Variants in GSG1L observed in about 807,000 individuals in gnomAD.
GSG1L encodes the protein germ cell-specific gene 1-like protein.
A neutral mutation model predicts 42.1 loss-of-function variants in GSG1L; 24 were observed. The ratio of observed to expected loss-of-function variants is 0.57; its 90% CI spans 0.41 to 0.80. The LOEUF (loss-of-function observed/expected upper bound fraction) is 0.80, where lower values mean the gene tolerates loss of function less well. Among genes scored for constraint, GSG1L ranks in the 30% least tolerant of loss-of-function variants. The pLI is 0.00. For synonymous variants in GSG1L, 215 were observed against 203.5 expected, an observed-to-expected ratio of 1.06 and a Z score of -0.48; for missense variants, 445 against 472.2, an observed-to-expected ratio of 0.94 and a Z score of 0.53.
chr16:27,987,825 T>C (rs1215051181), intron 1 of GSG1L, among the ~76,000 whole-genome samples: 3 of 151,804 alleles, frequency 2.0e-5, no homozygotes, highest in African/African-American at 7.3e-5. Flanking sequence ...CGCATGCCTG[T>C]AGTCCCAGCT....
intron 2 of GSG1L, among the ~76,000 whole-genome samples, chr16:27,925,173 A>T (rs189920452): frequency 6.6e-6 from 1 of 152,344 alleles, no homozygotes; most frequent in African/African-American, 2.4e-5. Flanking sequence ...TTTCTCTTAC[A>T]TCCAACTTGG....
chr16:27,795,202 T>C (rs1016449309), intron 6 of GSG1L, among the ~76,000 whole-genome samples: 1 of 151,218 alleles, frequency 6.6e-6, no homozygotes. Context: ...TTTAAACAAA[T>C]GAAGAAACCA....
intron 1 of GSG1L, among the ~76,000 whole-genome samples, chr16:27,989,001 C>T (rs2085423013): frequency 7.1e-6 from 1 of 141,214 alleles, no homozygotes; most frequent in African/African-American, 2.7e-5. Context: ...TGCAGTGAGC[C>T]GAGATTGTGC....
At chr16:28,007,988 T>C (rs2085665397) in intron 1 of GSG1L, among the ~76,000 whole-genome samples, 1 of 152,186 alleles carries the variant, frequency 6.6e-6, no homozygotes, top group Non-Finnish European at 1.5e-5. Flanking sequence ...CTATAGAAAC[T>C]GCACGCATTT....
intron 2 of GSG1L, among the ~76,000 whole-genome samples, chr16:27,946,299 C>T (rs142789336): frequency 0.02 from 3,114 of 152,126 alleles, 115 homozygotes; most frequent in African/African-American, 0.071. Context: ...AATCCCAGCA[C>T]TTTGGGAGGC....
intron 1 of GSG1L, among the ~76,000 whole-genome samples, chr16:27,990,572 G>T (rs1283307020): frequency 6.6e-6 from 1 of 152,178 alleles, no homozygotes; most frequent in Non-Finnish European, 1.5e-5. Context: ...TCCCTTGCAA[G>T]ATTCCTGACC....
In GSG1L at chr16:28,000,646, C is replaced by T. The variant is rs1240836619; in HGVS notation, c.350-37443G>A. Reference sequence around the variant, plus strand: ...AGCACCAGATGAAGCTTGAACAAAACCAATACCTCTTGCCGGACAAGCAGC... The same window carrying T: ...AGCACCAGATGAAGCTTGAACAAAATCAATACCTCTTGCCGGACAAGCAGC... On this transcript the variant is annotated intron_variant, in intron 1 of 6. Transcript: ENST00000447459. Among the ~76,000 whole-genome samples the T allele has an allele frequency of 1.3e-4, 20 of 152,080 alleles. 1 individual carries two copies. Among genetic ancestry groups the T allele is most frequent in the Admixed American group, 1.3e-3 (20 of 15,268 alleles).
chr16:27,838,534 G>C (rs1307038004), intron 4 of GSG1L, among the ~76,000 whole-genome samples: 1 of 152,202 alleles, frequency 6.6e-6, no homozygotes, highest in Non-Finnish European at 1.5e-5. Flanking sequence ...GGTGGTGACA[G>C]GGGTTGTCAA....
chr16:28,058,296 G>A (rs779191223), intron 1 of GSG1L, among the ~76,000 whole-genome samples: 13 of 152,166 alleles, frequency 8.5e-5, no homozygotes, highest in Non-Finnish European at 1.3e-4. Context: ...GAGCAACCAC[G>A]GCACCCACCT....
chr16:27,790,143 G>T lies in GSG1L; in HGVS notation c.*1227C>A, dbSNP rs975143526. The T allele has an allele frequency of 4.0e-5, 6 of 151,796 alleles. No individual in the cohort carries two copies. The highest frequency in any genetic ancestry group is 5.9e-5 in the Non-Finnish European group (4 of 67,942). 9.4% of individuals were successfully genotyped at this position (151,796 alleles called of 1,614,324 possible). A position where few individuals can be genotyped will look rare whatever the true frequency, so the allele number is the denominator to read the frequency against. ...ATGGATGAGTGGAAAGATGAATTATGAATGATGGATGGATGATGAATGATG... is the reference window on the plus strand; with the variant it reads ...ATGGATGAGTGGAAAGATGAATTATTAATGATGGATGGATGATGAATGATG... On this transcript the variant is annotated 3_prime_UTR_variant, in exon 7 of 7. Coordinates refer to ENST00000447459, the MANE Select transcript of GSG1L (RefSeq NM_001109763.2).
At chr16:27,813,828 C>G (rs1374894237) in intron 5 of GSG1L, among the ~76,000 whole-genome samples, 1 of 152,210 alleles carries the variant, frequency 6.6e-6, no homozygotes, top group Non-Finnish European at 1.5e-5. Flanking sequence ...ACCTTGGGCC[C>G]TGGAGTGAGG....
intron 5 of GSG1L, among the ~76,000 whole-genome samples, chr16:27,820,376 G>C (rs1351955628): frequency 6.6e-6 from 1 of 152,104 alleles, no homozygotes; most frequent in African/African-American, 2.4e-5. Flanking sequence ...GCCGAAGAGA[G>C]AGCAATTCGG....
At chr16:27,857,528 G>A (rs747673363) in intron 3 of GSG1L, among the ~76,000 whole-genome samples, 3 of 151,900 alleles carry the variant, frequency 2.0e-5, no homozygotes, top group Non-Finnish European at 4.4e-5. Flanking sequence ...GATCACTTGA[G>A]GCCAGGGGTT....
At chr16:27,903,384 T>C (rs12925364) in intron 2 of GSG1L, among the ~76,000 whole-genome samples, 5,985 of 152,202 alleles carry the variant, frequency 0.039, 159 homozygotes, top group Non-Finnish European at 0.06. Flanking sequence ...CAGGGCTCCC[T>C]GGAAGCAGGG....
intron 1 of GSG1L, among the ~76,000 whole-genome samples, chr16:28,003,878 C>A (rs2085607434): frequency 6.6e-6 from 1 of 152,222 alleles, no homozygotes; most frequent in Admixed American, 6.5e-5. Context: ...GGGAAAAAGT[C>A]AAACCCAGAA....
intron 2 of GSG1L, among the ~76,000 whole-genome samples, chr16:27,904,243 A>AT (rs34303643): frequency 0.23 from 35,308 of 151,620 alleles, 4,326 homozygotes; most frequent in Non-Finnish European, 0.27. Context: ...CTAATTTTTA[A>AT]TTTTTTTGTA....
chr16:27,878,102 C>T lies in GSG1L; in HGVS notation c.550+6384G>A, dbSNP rs1457430216. Among the ~76,000 whole-genome samples the T allele has an allele frequency of 1.3e-5, 2 of 152,096 alleles. 1 individual carries two copies. Among genetic ancestry groups the T allele is most frequent in the East Asian group, 3.9e-4 (2 of 5,192 alleles). On this transcript the variant is annotated intron_variant, in intron 3 of 6. Coordinates refer to ENST00000447459, the MANE Select transcript of GSG1L (RefSeq NM_001109763.2). ...AGAGACAGAGTCATGTTCTGTTGTCCAGGCTGGAGTGCAGTGGCATGATCA... is the reference window on the plus strand; with the variant it reads ...AGAGACAGAGTCATGTTCTGTTGTCTAGGCTGGAGTGCAGTGGCATGATCA...
chr16:27,884,510 C>T lies in GSG1L; in HGVS notation c.526G>A (p.Ala176Thr), dbSNP rs762645029. 1.9e-6 allele frequency: 3 copies of T among 1,613,820 alleles called. No homozygotes were observed. Among genetic ancestry groups the T allele is most frequent in the Non-Finnish European group, 2.5e-6 (3 of 1,179,910 alleles). Residue 176 changes from alanine (A) to threonine (T), a missense_variant, in exon 3 of 7, where the codon GCG becomes ACG. By Grantham distance (58) the Ala-to-Thr change is moderately conservative (BLOSUM62 0). Transcript: ENST00000447459. The surrounding 1 kb of genome is among the most constrained non-coding windows in gnomAD (Gnocchi z 4.4). ...VIDGLKLNAFAAVFTVLSGLL... is the reference protein window; with the variant it reads ...VIDGLKLNAFTAVFTVLSGLL... Reference sequence around the variant, plus strand: ...CCTGAGAGCACCGTGAAGACAGCCGCGAAGGCATTGAGCTTGAGCCCGTCG... The same window carrying T: ...CCTGAGAGCACCGTGAAGACAGCCGTGAAGGCATTGAGCTTGAGCCCGTCG...
chr16:28,057,506 A>T (rs1387466105), intron 1 of GSG1L, among the ~76,000 whole-genome samples: 1 of 152,220 alleles, frequency 6.6e-6, no homozygotes, highest in Non-Finnish European at 1.5e-5. Context: ...CCATCTGCCA[A>T]GTTTTCAAGA....
Sources: allele counts gnomAD v4.1 joint callset (sites outside exome capture counted in the v4.1 genomes callset), GRCh38; gene constraint gnomAD v4.1.1; non-coding constraint Gnocchi (gnomAD v3.1); transcripts MANE v1.5; gene names NCBI Gene and HGNC (gene_info 2026-07-23, HGNC 2026-07-21).